Variants in GABRB3 observed in about 807,000 individuals in gnomAD.
GABRB3 encodes gamma-aminobutyric acid type A receptor subunit beta3, also known as gamma-aminobutyric acid receptor subunit beta-3.
In GABRB3, 14 loss-of-function variants were observed where a neutral mutation model predicts 52.1. That is an observed-to-expected ratio of 0.27 (90% CI 0.18 to 0.42). The LOEUF (loss-of-function observed/expected upper bound fraction) is 0.42. GABRB3 is among the 10% of genes least tolerant of loss of function. The probability of loss-of-function intolerance (pLI) is 1.00; values close to 1 mark genes in which losing one functional copy is unlikely to be tolerated. For missense variants in GABRB3, 307 were observed against 609.1 expected, an observed-to-expected ratio of 0.50 and a Z score of 5.22; for synonymous variants, 260 against 232.3, an observed-to-expected ratio of 1.12 and a Z score of -1.08.
intron 8 of GABRB3, among the ~76,000 whole-genome samples, chr15:26,554,347 C>T (rs1392014000): frequency 1.3e-5 from 2 of 150,416 alleles, no homozygotes; most frequent in Non-Finnish European, 3.0e-5. Flanking sequence ...GTTTTAAATA[C>T]CATCTCTTTT....
chr15:26,682,486 C>G (rs1207362639), intron 3 of GABRB3, among the ~76,000 whole-genome samples: 1 of 152,174 alleles, frequency 6.6e-6, no homozygotes, highest in Non-Finnish European at 1.5e-5. Context: ...ACACGGAGCC[C>G]GGCACGGGAC....
At chr15:26,706,421 T>G (rs1889104671) in intron 3 of GABRB3, among the ~76,000 whole-genome samples, 1 of 139,140 alleles carries the variant, frequency 7.2e-6, no homozygotes, top group Non-Finnish European at 1.6e-5. Flanking sequence ...CTTAGGGCTT[T>G]GGAATCAAAT....
In GABRB3 at chr15:26,761,278, C is replaced by G. The variant is rs376564048; in HGVS notation, c.240+11124G>C. The stretch of plus-strand genomic sequence containing the variant: ...GGTGTGGTGACATGCGCCTGTAGAC[C>G]CAGCTACTTGGGAGACTGAGGCAGG... On this transcript the variant is annotated intron_variant, in intron 3 of 8. Transcript: ENST00000311550. Among the ~76,000 whole-genome samples the G allele has an allele frequency of 2.0e-3, 311 of 152,004 alleles. 1 individual carries two copies. The highest frequency in any genetic ancestry group is 3.6e-3 in the Non-Finnish European group (246 of 67,988).
chr15:26,613,267 C>A, intron 4 of GABRB3: 1 of 151,826 alleles, frequency 6.6e-6, no homozygotes. Flanking sequence ...AAAAATTAGT[C>A]AGACATGGTA....
intron 5 of GABRB3, among the ~76,000 whole-genome samples, chr15:26,582,268 G>C (rs945222041): frequency 6.6e-6 from 1 of 152,180 alleles, no homozygotes; most frequent in African/African-American, 2.4e-5. Context: ...GTTGAAACAG[G>C]AGCTGCTGCC....
chr15:26,750,303 C>T (rs977118915), intron 3 of GABRB3, among the ~76,000 whole-genome samples: 1 of 152,112 alleles, frequency 6.6e-6, no homozygotes, highest in Non-Finnish European at 1.5e-5. Context: ...CAACCCAAGC[C>T]CTCAATTAGC....
At chr15:26,591,992 C>T (rs1265989229) in intron 4 of GABRB3, among the ~76,000 whole-genome samples, 1 of 152,134 alleles carries the variant, frequency 6.6e-6, no homozygotes, top group East Asian at 1.9e-4. Flanking sequence ...CATCAGACAG[C>T]ACAAAAATAA....
intron 3 of GABRB3, among the ~76,000 whole-genome samples, chr15:26,645,408 C>A (rs1893321869): frequency 6.6e-6 from 1 of 152,150 alleles, no homozygotes; most frequent in Admixed American, 6.5e-5. Flanking sequence ...TATAGCCTTT[C>A]GAGGTAGGAG....
intron 8 of GABRB3, among the ~76,000 whole-genome samples, chr15:26,560,518 G>A (rs1333939376): frequency 1.3e-5 from 2 of 152,196 alleles, no homozygotes; most frequent in Non-Finnish European, 2.9e-5. Context: ...TTACTGGTGA[G>A]AGGAAGAAAG....
chr15:26,622,998 AT>A (rs1043908917), intron 3 of GABRB3, among the ~76,000 whole-genome samples: 1 of 152,032 alleles, frequency 6.6e-6, no homozygotes, highest in Non-Finnish European at 1.5e-5. Context: ...AGAAGCAGGC[AT>A]TTTTTTTCCC....
At chr15:26,654,849 G>A (rs761186903) in intron 3 of GABRB3, among the ~76,000 whole-genome samples, 46 of 151,354 alleles carry the variant, frequency 3.0e-4, no homozygotes, top group Non-Finnish European at 5.3e-4. Context: ...TGCCTTTTTT[G>A]GAGACAGGGT....
chr15:26,610,640 T>A (rs1892033823), intron 4 of GABRB3, among the ~76,000 whole-genome samples: 1 of 152,252 alleles, frequency 6.6e-6, no homozygotes, highest in African/African-American at 2.4e-5. Context: ...TATGTGATGA[T>A]CTTCTGTAGT....
At chr15:26,606,682 C>T (rs1338878274) in intron 4 of GABRB3, among the ~76,000 whole-genome samples, 2 of 121,154 alleles carry the variant, frequency 1.7e-5, no homozygotes, top group Non-Finnish European at 3.4e-5. Context: ...AAAGAAAAGG[C>T]ATGCAAATCA....
Position 26,773,016 on chromosome 15 carries a change from C to G in GABRB3, c.-54G>C. 1 of 1,266,160 alleles carries G rather than the reference C, an allele frequency of 7.9e-7. No homozygotes were observed. 78.4% of individuals were successfully genotyped at this position (1,266,160 alleles called of 1,614,324 possible). A position where few individuals can be genotyped will look rare whatever the true frequency, so the allele number is the denominator to read the frequency against. On this transcript the variant is annotated 5_prime_UTR_variant, in exon 1 of 9. Transcript: ENST00000311550. ...GGGGCGCCCCGCCGCCGTCGCGACC[C>G]GCAGCCGGGGCTGCTCCTGCTGCTG...
intron 8 of GABRB3, among the ~76,000 whole-genome samples, chr15:26,552,409 G>A (rs2140655924): frequency 6.6e-6 from 1 of 152,344 alleles, no homozygotes; most frequent in East Asian, 1.9e-4. Flanking sequence ...GACAATGGAA[G>A]CATTCCTTGG....
intron 5 of GABRB3, among the ~76,000 whole-genome samples, chr15:26,581,382 T>C (rs1464085183): frequency 6.6e-6 from 1 of 151,960 alleles, no homozygotes; most frequent in Non-Finnish European, 1.5e-5. Context: ...TGGGGAAGAG[T>C]TGCTCCCCAC....
chr15:26,644,735 T>C (rs1893303524), intron 3 of GABRB3, among the ~76,000 whole-genome samples: 1 of 152,142 alleles, frequency 6.6e-6, no homozygotes, highest in South Asian at 2.1e-4. Flanking sequence ...CAGACATGGC[T>C]GTGTTGGGGA....
chr15:26,760,744 T>C (rs1238803957), intron 3 of GABRB3, among the ~76,000 whole-genome samples: 1 of 151,644 alleles, frequency 6.6e-6, no homozygotes, highest in East Asian at 1.9e-4. Context: ...ATTTCGAAAA[T>C]AAGAATGCTT....
chr15:26,562,964 G>A (rs1890043717), intron 7 of GABRB3, among the ~76,000 whole-genome samples: 1 of 152,106 alleles, frequency 6.6e-6, no homozygotes, highest in Admixed American at 6.6e-5. Context: ...TTTTAAATTT[G>A]AAAATGGCAA....
Sources: gnomAD v4.1 joint callset for allele counts (sites outside exome capture counted in the v4.1 genomes callset) on GRCh38, gnomAD v4.1.1 for gene constraint, MANE v1.5 for transcripts, NCBI Gene and HGNC (gene_info 2026-07-23, HGNC 2026-07-21) for gene names.